ZNF285: variants seen among roughly 807,000 people sequenced by gnomAD.
ZNF285 encodes zinc finger protein 285A.
Under a neutral mutation model 6.2 loss-of-function variants are expected in ZNF285, and 4 were observed. The ratio of observed to expected loss-of-function variants is 0.65; its 90% CI spans 0.32 to 1.49. The LOEUF is 1.49. Among genes scored for constraint, ZNF285 ranks in the 40% most tolerant of loss-of-function variants. The pLI is 0.07. For missense variants in ZNF285, 695 were observed against 708.8 expected (o/e 0.98, Z 0.22); for synonymous variants, 240 against 245.8 (o/e 0.98, Z 0.22).
Position 44,386,473 on chromosome 19 carries a change from T to C in ZNF285, c.1772A>G (p.Ter591=). ...TAATTGAACCCTGACTTACTACATT[T>C]ATAATGTTTCTCTCTGCTCATGTAG... is the stretch of plus-strand genomic sequence containing the variant. The part of the protein sequence containing the change: ...QRLHEQRETL[*] Residue 591 remains the stop codon, a stop_retained_variant, in exon 4 of 4, where the codon TAA becomes TGA. Coordinates refer to ENST00000614994, the MANE Select transcript of ZNF285 (RefSeq NM_152354.6). 6.2e-7 allele frequency: 1 copy of C among 1,608,648 alleles called. No homozygotes were observed. The highest frequency in any genetic ancestry group is 8.5e-7 in the Non-Finnish European group (1 of 1,176,030).
At chr19:44,392,551 A>C in intron 2 of ZNF285, 85 bp from the exon 3 acceptor site, 13 of 1,611,822 alleles carry the variant, frequency 8.1e-6, no homozygotes, top group Non-Finnish European at 9.3e-6. Context: ...AAAACACCAC[A>C]GTCTGATTAG....
intron 2 of ZNF285, among the ~76,000 whole-genome samples, chr19:44,396,432 C>G (rs200897668): frequency 6.6e-6 from 1 of 152,262 alleles, no homozygotes; most frequent in African/African-American, 2.4e-5. Flanking sequence ...GTTATTGAAT[C>G]AAACACTAAT....
chr19:44,399,380 T>C (rs1192571622), intron 1 of ZNF285, among the ~76,000 whole-genome samples: 2 of 130,498 alleles, frequency 1.5e-5, no homozygotes, highest in Non-Finnish European at 3.0e-5. Flanking sequence ...GTCAAAAAAC[T>C]ACAAATCCTA....
intron 1 of ZNF285, among the ~76,000 whole-genome samples, chr19:44,400,018 C>T (rs2123294018): frequency 6.6e-6 from 1 of 150,820 alleles, no homozygotes; most frequent in Non-Finnish European, 1.5e-5. Flanking sequence ...CCAACTCACA[C>T]TTCTTCCTCT....
intron 3 of ZNF285, among the ~76,000 whole-genome samples, chr19:44,389,487 T>C (rs1431242751): frequency 6.6e-6 from 1 of 152,140 alleles, no homozygotes; most frequent in Non-Finnish European, 1.5e-5. Context: ...AAATCAGCAT[T>C]ATGACTCAGT....
intron 3 of ZNF285, among the ~76,000 whole-genome samples, chr19:44,389,747 G>A (rs1320503556): frequency 6.6e-6 from 1 of 152,034 alleles, no homozygotes; most frequent in African/African-American, 2.4e-5. Flanking sequence ...ACGTCATCTG[G>A]CATTGCTAGT....
chr19:44,387,572 C>T lies in ZNF285; in HGVS notation c.673G>A (p.Ala225Thr). 6.2e-7 allele frequency: 1 copy of T among 1,613,902 alleles called. No homozygotes were observed. Among genetic ancestry groups the T allele is most frequent in the Non-Finnish European group, 8.5e-7 (1 of 1,179,852 alleles). Residue 225 changes from alanine to threonine, a missense_variant, in exon 4 of 4, where the codon GCC becomes ACC. Ala to Thr is a moderately conservative substitution (Grantham distance 58). Coordinates refer to ENST00000614994, the MANE Select transcript of ZNF285 (RefSeq NM_152354.6). The part of the protein sequence containing the change: ...MKSTVEKRNA[A>T]HVLPQPFPCN... ...GGGAAAGGCTGTGGTAATACATGGG[C>T]CGCATTACGTTTTTCAACCGTTGAT...
intron 2 of ZNF285, among the ~76,000 whole-genome samples, chr19:44,393,974 G>T (rs537408196): frequency 1.3e-5 from 2 of 151,884 alleles, no homozygotes; most frequent in Non-Finnish European, 2.9e-5. Context: ...TGTTTATTGC[G>T]GCACTATTCA....
At chr19:44,392,529 G>A in intron 2 of ZNF285, 63 bp from the exon 3 acceptor site, 18 of 1,613,232 alleles carry the variant, frequency 1.1e-5, no homozygotes, top group Non-Finnish European at 1.4e-5. Flanking sequence ...AGTCTGTTTG[G>A]GCTGCCTTAA....
intron 1 of ZNF285, among the ~76,000 whole-genome samples, chr19:44,397,962 C>A (rs968912358): frequency 2.0e-5 from 3 of 151,202 alleles, no homozygotes; most frequent in African/African-American, 7.3e-5. Flanking sequence ...TTTCCACTTT[C>A]GCATGCAAGA....
At chr19:44,390,939 A>T (rs974741910) in intron 3 of ZNF285, among the ~76,000 whole-genome samples, 2 of 151,866 alleles carry the variant, frequency 1.3e-5, no homozygotes, top group Non-Finnish European at 2.9e-5. Flanking sequence ...GTGGATCACG[A>T]GGTCAAGAGA....
chr19:44,387,034 T>C lies in ZNF285; in HGVS notation c.1211A>G (p.Glu404Gly), dbSNP rs752430465. The change falls in exon 4 of 4, where the codon GAG becomes GGG. Residue 404 changes from glutamate (E) to glycine (G), a missense_variant. By Grantham distance (98) the Glu-to-Gly change is moderately conservative (BLOSUM62 -2). Coordinates refer to ENST00000614994, the MANE Select transcript of ZNF285 (RefSeq NM_152354.6). The part of the protein sequence containing the change: ...HTGEKPYKCS[E>G]CGKCFSSSSV... ...GCTTGAACTAAAGCACTTGCCACAC[T>C]CACTGCATTTGTAGGGCTTCTCTCC... The C allele has an allele frequency of 3.7e-6, 6 of 1,613,980 alleles. No homozygotes were observed. The African/African-American group carries it at 8.0e-5, about 22-fold the overall frequency.
Position 44,387,805 on chromosome 19 carries a change from G to A in ZNF285, c.440C>T (p.Pro147Leu), listed in dbSNP as rs1411338361. 5 of 1,613,776 alleles carry A rather than the reference G, an allele frequency of 3.1e-6. No homozygotes were observed. Among genetic ancestry groups the A allele is most frequent in the East Asian group, 2.2e-5 (1 of 44,890 alleles). The change falls in exon 4 of 4, where the codon CCA (proline) becomes CTA (leucine). Residue 147 changes from proline to leucine, a missense_variant. Coordinates refer to ENST00000614994, the MANE Select transcript of ZNF285 (RefSeq NM_152354.6). ...TATGTTGGCTTTCCTCCACGATTCT[G>A]GGGTAAGAACCTGTGTCAGGCTTTG... Reference protein sequence around the residue: ...AWQSLTQVLTPESWRKANIMT... With the variant: ...AWQSLTQVLTLESWRKANIMT...
At chr19:44,392,858 T>C (rs1848681380) in intron 2 of ZNF285, among the ~76,000 whole-genome samples, 1 of 152,158 alleles carries the variant, frequency 6.6e-6, no homozygotes, top group Non-Finnish European at 1.5e-5. Context: ...TACACAAGTC[T>C]AGTAGCATTT....
At chr19:44,392,722 G>A in intron 2 of ZNF285, 1 of 643,926 alleles carries the variant, frequency 1.6e-6, no homozygotes, top group East Asian at 3.3e-5. Context: ...AGCAAGCTCT[G>A]TTGAGGCTCT....
chr19:44,382,644 T>A lies in ZNF285; in HGVS notation c.*3828A>T, dbSNP rs1219609481. 6.6e-6 allele frequency: 1 copy of A among 152,278 alleles called. No individual in the cohort carries two copies. The highest frequency in any genetic ancestry group is 2.4e-5 in the African/African-American group (1 of 41,438). The allele number at this position is 152,278 out of a possible 1,614,324, so 9.4% of individuals were successfully genotyped here. On this transcript the variant is annotated 3_prime_UTR_variant, in exon 4 of 4. Coordinates refer to ENST00000614994, the MANE Select transcript of ZNF285 (RefSeq NM_152354.6). ...GAAGGCACAGGACCACAATTTCTCA[T>A]ACCACTTGAAGAAGCACCAGGGCCT...
intron 2 of ZNF285, among the ~76,000 whole-genome samples, chr19:44,396,391 A>G (rs1055270314): frequency 1.3e-4 from 20 of 152,170 alleles, no homozygotes; most frequent in Non-Finnish European, 2.9e-5. Flanking sequence ...GGTCTTTCTA[A>G]TGTGTCAACT....
Position 44,392,345 on chromosome 19 carries a change from A to G in ZNF285, c.137T>C (p.Leu46Ser), listed in dbSNP as rs759636023. ...VMLENFRNLM[L>S]VRDGIKNNIL... is the part of the protein sequence containing the mutation. The stretch of plus-strand genomic sequence containing the variant: ...TCTCATGCTCAGTTACTCACTCACT[A>G]ACATGAGGTTCCTGAAGTTTTCCAG... Residue 46 changes from leucine (L) to serine (S), a missense_variant, in exon 3 of 4, where the codon TTA (leucine) becomes TCA (serine). Leu to Ser is a moderately radical substitution (Grantham distance 145). Transcript: ENST00000614994. 46 of 1,613,754 alleles carry G rather than the reference A, an allele frequency of 2.9e-5. No individual in the cohort carries two copies. Among genetic ancestry groups the G allele is most frequent in the Middle Eastern group, 1.6e-4 (1 of 6,076 alleles).
rs4081937 is a variant in ZNF285 at position 44,383,596 on chromosome 19, T to A, written c.*2876A>T. On this transcript the variant is annotated 3_prime_UTR_variant, in exon 4 of 4. Transcript: ENST00000614994. ...ACCAGAACTGCCCAGCTAAGCCCAGTTGAACTTGCCAGCTCACACATCATG... is the reference window on the plus strand; with the variant it reads ...ACCAGAACTGCCCAGCTAAGCCCAGATGAACTTGCCAGCTCACACATCATG... 6.6e-6 allele frequency: 1 copy of A among 152,092 alleles called. No homozygotes were observed. Among genetic ancestry groups the A allele is most frequent in the Non-Finnish European group, 1.5e-5 (1 of 67,968 alleles). 9.4% of individuals were successfully genotyped at this position (152,092 alleles called of 1,614,324 possible). A position where few individuals can be genotyped will look rare whatever the true frequency, so the allele number is the denominator to read the frequency against.
Sources: gnomAD v4.1 joint callset for allele counts (sites outside exome capture counted in the v4.1 genomes callset) on GRCh38, gnomAD v4.1.1 for gene constraint, MANE v1.5 for transcripts, NCBI Gene and HGNC (gene_info 2026-07-23, HGNC 2026-07-21) for gene names.